CYYR1: variants seen among roughly 807,000 people sequenced by gnomAD.
The protein encoded by CYYR1 is cysteine and tyrosine rich 1.
A neutral mutation model predicts 15.2 loss-of-function variants in CYYR1; 14 were observed. The ratio of observed to expected loss-of-function variants is 0.92; its 90% CI spans 0.61 to 1.44. The LOEUF (loss-of-function observed/expected upper bound fraction) is 1.44. Among genes scored for constraint, CYYR1 ranks in the 40% most tolerant of loss-of-function variants. The pLI is 0.00. For missense variants in CYYR1, 228 were observed against 209.5 expected (o/e 1.09, Z -0.54); for synonymous variants, 80 against 77.4 (o/e 1.03, Z -0.18).
intron 2 of CYYR1, among the ~76,000 whole-genome samples, chr21:26,555,739 A>C (rs529736650): frequency 6.6e-6 from 1 of 152,254 alleles, no homozygotes; most frequent in Non-Finnish European, 1.5e-5. Flanking sequence ...AATTTTCATT[A>C]GTTATGGGTG....
chr21:26,495,752 G>A (rs1276126307), intron 2 of CYYR1, among the ~76,000 whole-genome samples: 1 of 152,314 alleles, frequency 6.6e-6, no homozygotes, highest in Middle Eastern at 3.4e-3. Context: ...AGATTTCAGG[G>A]TTTATTTGTT....
intron 2 of CYYR1, among the ~76,000 whole-genome samples, chr21:26,534,595 G>A (rs765776788): frequency 5.9e-5 from 9 of 152,052 alleles, no homozygotes; most frequent in Admixed American, 1.3e-4. Context: ...TCTCAGTATC[G>A]TTGCCACTTA....
At chr21:26,487,952 T>A (rs1452947013) in intron 2 of CYYR1, among the ~76,000 whole-genome samples, 1 of 55,454 alleles carries the variant, frequency 1.8e-5, no homozygotes, top group Non-Finnish European at 4.5e-5. Flanking sequence ...CCAAATATGC[T>A]AATAATGTTT....
chr21:26,487,065 C>G (rs2065258659), intron 2 of CYYR1, among the ~76,000 whole-genome samples: 1 of 151,930 alleles, frequency 6.6e-6, no homozygotes, highest in African/African-American at 2.4e-5. Context: ...TATTTGATAT[C>G]TATATTTGAT....
chr21:26,565,067 T>C (rs2123728819), intron 2 of CYYR1, among the ~76,000 whole-genome samples: 1 of 152,306 alleles, frequency 6.6e-6, no homozygotes, highest in African/African-American at 2.4e-5. Flanking sequence ...CTTATTTGCA[T>C]TTCAAGGAAG....
At chr21:26,482,016 T>G (rs2065188134) in intron 2 of CYYR1, among the ~76,000 whole-genome samples, 1 of 151,994 alleles carries the variant, frequency 6.6e-6, no homozygotes, top group Non-Finnish European at 1.5e-5. Flanking sequence ...CTTCAACCCT[T>G]TCAGTTATTT....
chr21:26,470,559 G>A (rs1309291464), intron 3 of CYYR1: 2 of 152,308 alleles, frequency 1.3e-5, no homozygotes, highest in Admixed American at 1.3e-4. Flanking sequence ...GCCACGTGAA[G>A]ATGTGCTTGC....
intron 2 of CYYR1, among the ~76,000 whole-genome samples, chr21:26,564,294 T>TC (rs972822080): frequency 1.3e-5 from 2 of 152,116 alleles, no homozygotes; most frequent in African/African-American, 2.4e-5. Flanking sequence ...CTTTAAAGTA[T>TC]CCCCCCACCA....
At chr21:26,508,015 T>C (rs2065592812) in intron 2 of CYYR1, among the ~76,000 whole-genome samples, 1 of 152,208 alleles carries the variant, frequency 6.6e-6, no homozygotes, top group Non-Finnish European at 1.5e-5. Flanking sequence ...GAAATAAAGT[T>C]ACCTATGAGG....
At chr21:26,501,407 T>C (rs2065480477) in intron 2 of CYYR1, among the ~76,000 whole-genome samples, 1 of 152,206 alleles carries the variant, frequency 6.6e-6, no homozygotes, top group Non-Finnish European at 1.5e-5. Context: ...ATTTCTCTAG[T>C]GCTAAATTTA....
intron 2 of CYYR1, 33 bp downstream of exon 2, chr21:26,566,233 G>A: frequency 2.7e-6 from 4 of 1,455,492 alleles, no homozygotes; most frequent in Non-Finnish European, 3.9e-6. Flanking sequence ...AAGAGGAAGA[G>A]CATCAGTATT....
rs186869304 is a variant in CYYR1 at position 26,473,953 on chromosome 21, C to A, written c.335-5319G>T. On this transcript the variant is annotated intron_variant, in intron 3 of 3. Transcript: ENST00000652641. ...TCAGGCTGTTCATAATCTTCATAGC[C>A]ACTTTTCAAGCTATTATCTATTCTT... Among the ~76,000 whole-genome samples, 112 of 152,214 alleles carry A rather than the reference C, an allele frequency of 7.4e-4. 2 individuals are homozygous for A. The highest frequency in any genetic ancestry group is 3.1e-4 in the Non-Finnish European group (21 of 68,012).
At chr21:26,491,750 A>T (rs2065331882) in intron 2 of CYYR1, among the ~76,000 whole-genome samples, 1 of 152,174 alleles carries the variant, frequency 6.6e-6, no homozygotes, top group Admixed American at 6.5e-5. Context: ...TGCCTAACCC[A>T]GTGTCTTCTC....
chr21:26,478,115 C>T, intron 3 of CYYR1: 3 of 1,549,642 alleles, frequency 1.9e-6, no homozygotes, highest in South Asian at 2.4e-5. Flanking sequence ...ACCAAGATCT[C>T]TGCCTCATGG....
At chr21:26,547,915 T>C (rs932767058) in intron 2 of CYYR1, among the ~76,000 whole-genome samples, 1 of 53,404 alleles carries the variant, frequency 1.9e-5, no homozygotes, top group African/African-American at 9.9e-5. Context: ...CATTAGAGAA[T>C]AGAAAGTAGC....
chr21:26,475,165 A>G (rs115784349), intron 3 of CYYR1, among the ~76,000 whole-genome samples: 1 of 152,102 alleles, frequency 6.6e-6, no homozygotes, highest in African/African-American at 2.4e-5. Context: ...TTCTTTAGAC[A>G]TTTCACACTC....
intron 2 of CYYR1, among the ~76,000 whole-genome samples, chr21:26,524,820 G>A (rs1372869111): frequency 6.6e-6 from 1 of 152,134 alleles, no homozygotes; most frequent in Non-Finnish European, 1.5e-5. Context: ...AATGACTACA[G>A]GTAAAGACGA....
intron 3 of CYYR1, among the ~76,000 whole-genome samples, chr21:26,469,321 G>T (rs1263182200): frequency 6.6e-6 from 1 of 152,018 alleles, no homozygotes; most frequent in Non-Finnish European, 1.5e-5. Flanking sequence ...ATAATTGGAG[G>T]GGGGTGGAAC....
chr21:26,499,836 G>A (rs200243954), intron 2 of CYYR1, among the ~76,000 whole-genome samples: 2 of 137,960 alleles, frequency 1.4e-5, no homozygotes, highest in African/African-American at 2.7e-5. Flanking sequence ...ACACATTTTT[G>A]TTTTTTTTTT....
Sources: allele counts gnomAD v4.1 joint callset (sites outside exome capture counted in the v4.1 genomes callset), GRCh38; gene constraint gnomAD v4.1.1; transcripts MANE v1.5; gene names NCBI Gene and HGNC (gene_info 2026-07-23, HGNC 2026-07-21).